SIK3: variants seen among roughly 807,000 people sequenced by gnomAD.
The protein encoded by SIK3 is SIK family kinase 3.
A neutral mutation model predicts 144.2 loss-of-function variants in SIK3; 28 were observed. The ratio of observed to expected loss-of-function variants is 0.19; its 90% CI spans 0.14 to 0.27. The LOEUF (loss-of-function observed/expected upper bound fraction) is 0.27, where lower values mean the gene tolerates loss of function less well. Ranked by LOEUF, SIK3 falls within the 10% of genes least tolerant of loss-of-function variation. SIK3 has a pLI of 1.00. For missense variants in SIK3, 1,319 were observed against 1,776.0 expected, an observed-to-expected ratio of 0.74 and a Z score of 4.62; for synonymous variants, 686 against 676.3, an observed-to-expected ratio of 1.01 and a Z score of -0.22.
At chr11:116,917,051 C>T (rs1446531180) in intron 4 of SIK3, among the ~76,000 whole-genome samples, 1 of 151,842 alleles carries the variant, frequency 6.6e-6, no homozygotes, top group Non-Finnish European at 1.5e-5. Context: ...ACCTCTGCGG[C>T]TCAAGCGACC....
chr11:117,052,978 T>C (rs896101167), intron 1 of SIK3, among the ~76,000 whole-genome samples: 1 of 152,162 alleles, frequency 6.6e-6, no homozygotes, highest in African/African-American at 2.4e-5. Flanking sequence ...TACATACTGA[T>C]GACACAAAGA....
intron 18 of SIK3, 58 bp from the exon 19 acceptor site, chr11:116,861,441 A>C: frequency 5.4e-6 from 7 of 1,307,042 alleles, no homozygotes; most frequent in Non-Finnish European, 7.6e-6. Context: ...GTACAATCTT[A>C]AGTTTCAGCC....
intron 1 of SIK3, among the ~76,000 whole-genome samples, chr11:116,967,003 C>CAAAAAAAAAAA (rs780692335): frequency 1.0e-5 from 1 of 100,130 alleles, no homozygotes; most frequent in African/African-American, 4.8e-5. Context: ...GACTCTGTTT[C>CAAAAAAAAAAA]AAAAAAAAAA....
Position 117,040,522 on chromosome 11 carries a change from G to A in SIK3, c.273+57621C>T, listed in dbSNP as rs1337320645. ...AATAAATCTGTAAATAACACTATAG[G>A]TATTAGTACATAAATGCTACAGATG... On this transcript the variant is annotated intron_variant, in intron 1 of 24. Coordinates refer to ENST00000445177, the MANE Select transcript of SIK3 (RefSeq NM_001366686.3). 2.6e-5 allele frequency among the ~76,000 whole-genome samples: 4 copies of A among 152,076 alleles called. No homozygotes were observed. The South Asian group carries it at 8.3e-4, about 32-fold the overall frequency.
At chr11:117,068,116 T>C (rs1400424813) in intron 1 of SIK3, among the ~76,000 whole-genome samples, 1 of 152,212 alleles carries the variant, frequency 6.6e-6, no homozygotes, top group African/African-American at 2.4e-5. Context: ...TTATACTCTC[T>C]ATGCAAAAGC....
At chr11:117,026,346 A>C (rs1161492155) in intron 1 of SIK3, among the ~76,000 whole-genome samples, 1 of 152,172 alleles carries the variant, frequency 6.6e-6, no homozygotes, top group Non-Finnish European at 1.5e-5. Context: ...ATGTTCCCAC[A>C]AGGAAACAAT....
intron 1 of SIK3, among the ~76,000 whole-genome samples, chr11:117,057,786 A>G (rs1284736805): frequency 6.6e-6 from 1 of 152,196 alleles, no homozygotes; most frequent in Non-Finnish European, 1.5e-5. Flanking sequence ...CAGTTTCCTC[A>G]TCTATAAGAT....
chr11:116,992,124 G>A (rs1315723365), intron 1 of SIK3, among the ~76,000 whole-genome samples: 1 of 152,038 alleles, frequency 6.6e-6, no homozygotes, highest in African/African-American at 2.4e-5. Flanking sequence ...AGGAGTTCGA[G>A]ACCAGCTTGG....
At chr11:117,036,142 A>T in intron 1 of SIK3, 1 of 504,964 alleles carries the variant, frequency 2.0e-6, no homozygotes, top group South Asian at 3.6e-5. Flanking sequence ...CTTGTCTTGC[A>T]ACTCCTGGCT....
chr11:116,990,084 C>A (rs1172247622), intron 1 of SIK3, among the ~76,000 whole-genome samples: 1 of 152,122 alleles, frequency 6.6e-6, no homozygotes, highest in African/African-American at 2.4e-5. Context: ...TGTGAGAAGG[C>A]AGCAGGCCAT....
chr11:117,074,757 T>C (rs1271385389), intron 1 of SIK3, among the ~76,000 whole-genome samples: 2 of 151,746 alleles, frequency 1.3e-5, no homozygotes, highest in Non-Finnish European at 2.9e-5. Flanking sequence ...ACCCTGTCTC[T>C]ACTAAAAATA....
intron 5 of SIK3, 51 bp from the exon 6 acceptor site, chr11:116,896,427 A>C: frequency 6.3e-7 from 1 of 1,596,068 alleles, no homozygotes; most frequent in Non-Finnish European, 8.6e-7. Flanking sequence ...GGGGAAACAA[A>C]AAAGACTACT....
chr11:116,995,682 C>T (rs1009853826), intron 1 of SIK3, among the ~76,000 whole-genome samples: 1 of 152,144 alleles, frequency 6.6e-6, no homozygotes, highest in Non-Finnish European at 1.5e-5. Flanking sequence ...AACAACCTGG[C>T]TCCTAAGAAT....
At chr11:117,007,416 T>A (rs1021093472) in intron 1 of SIK3, among the ~76,000 whole-genome samples, 2 of 152,202 alleles carry the variant, frequency 1.3e-5, no homozygotes, top group Non-Finnish European at 2.9e-5. Context: ...AAAACAATAT[T>A]TTGGTGAACT....
At chr11:117,069,466 A>G (rs1415129139) in intron 1 of SIK3, among the ~76,000 whole-genome samples, 30 of 152,152 alleles carry the variant, frequency 2.0e-4, no homozygotes, top group Admixed American at 2.0e-3. Flanking sequence ...TGAAGAGAAT[A>G]ATTCCTTAAC....
At chr11:117,053,105 G>A (rs939680031) in intron 1 of SIK3, among the ~76,000 whole-genome samples, 4 of 152,136 alleles carry the variant, frequency 2.6e-5, no homozygotes, top group South Asian at 2.1e-4. Flanking sequence ...TTGGGAGGCC[G>A]AGGTGGGTGG....
chr11:117,018,989 G>C (rs569256509), intron 1 of SIK3, among the ~76,000 whole-genome samples: 7 of 152,058 alleles, frequency 4.6e-5, no homozygotes, highest in Non-Finnish European at 1.0e-4. Flanking sequence ...TGGGATTACA[G>C]GGTGAGCCAC....
Position 116,957,078 on chromosome 11 carries a change from G to GA in SIK3, c.274-15dup, listed in dbSNP as rs750518909. On this transcript the variant is annotated splice_polypyrimidine_tract_variant and intron_variant, in intron 1 of 24. Transcript: ENST00000445177. ...CTTGATAGCAACCTGACAACAGAGG[G>GA]AAAAAAATTACTCTGATGCATTATT... The GA allele has an allele frequency of 6.0e-6, 9 of 1,497,424 alleles. No individual in the cohort carries two copies. The East Asian group carries it at 1.6e-4, about 27-fold the overall frequency. 92.8% of individuals were successfully genotyped at this position (1,497,424 alleles called of 1,614,324 possible).
At chr11:116,931,657 T>G (rs1398263720) in intron 3 of SIK3, among the ~76,000 whole-genome samples, 2 of 152,222 alleles carry the variant, frequency 1.3e-5, no homozygotes, top group Non-Finnish European at 2.9e-5. Context: ...CTTAGGTGAC[T>G]ACCTGAAAAA....
Sources: gnomAD v4.1 joint callset for allele counts (sites outside exome capture counted in the v4.1 genomes callset) on GRCh38, gnomAD v4.1.1 for gene constraint, MANE v1.5 for transcripts, NCBI Gene and HGNC (gene_info 2026-07-23, HGNC 2026-07-21) for gene names.